The following CENPU variants were observed in gnomAD, a reference collection of about 807,000 sequenced individuals.
CENPU encodes the protein KSHV latent nuclear antigen interacting protein 1.
Under a neutral mutation model 56.7 loss-of-function variants are expected in CENPU, and 46 were observed. The ratio of observed to expected loss-of-function variants is 0.81; its 90% CI spans 0.64 to 1.04. The LOEUF (loss-of-function observed/expected upper bound fraction) is 1.04. Among genes scored for constraint, CENPU ranks in the 50% least tolerant of loss-of-function variants. CENPU has a pLI of 0.00. For synonymous variants in CENPU, 166 were observed against 163.0 expected, an observed-to-expected ratio of 1.02 and a Z score of -0.14; for missense variants, 510 against 490.1, an observed-to-expected ratio of 1.04 and a Z score of -0.38.
At position 184,697,796 on chromosome 4, in the gene CENPU, G is replaced by T. The variant is rs770944498; in HGVS notation, c.994C>A (p.Pro332Thr). The change falls in exon 12 of 13, where the codon CCA (proline) becomes ACA (threonine). Residue 332 changes from proline to threonine, a missense_variant. By Grantham distance (38) the Pro-to-Thr change is conservative. Coordinates refer to ENST00000281453, the MANE Select transcript of CENPU (RefSeq NM_024629.4). ...TTTGTTTGTAGTTGTTTCAGCTGTG[G>T]CTCTAACCTAAAACAAAAATAAGTG... ...EVQDELLRLE[P>T]QLKQLQTKYD... The T allele has an allele frequency of 4.4e-6, 7 of 1,595,952 alleles. No individual in the cohort carries two copies. The East Asian group carries it at 1.6e-4, about 36-fold the overall frequency.
intron 11 of CENPU, among the ~76,000 whole-genome samples, chr4:184,699,764 G>A (rs749470911): frequency 6.6e-5 from 10 of 151,950 alleles, no homozygotes; most frequent in Admixed American, 3.3e-4. Context: ...AGGTTCAAGC[G>A]ATTCTCGTGC....
At chr4:184,715,585 T>C (rs1158589786) in intron 6 of CENPU, among the ~76,000 whole-genome samples, 1 of 152,196 alleles carries the variant, frequency 6.6e-6, no homozygotes, top group Non-Finnish European at 1.5e-5. Flanking sequence ...AGTGGTAGGA[T>C]TACAGGCATG....
rs1213397607 is a variant in CENPU at position 184,694,276 on chromosome 4, A to G, written c.*1012T>C. 1.0e-5 allele frequency: 13 copies of G among 1,238,858 alleles called. No homozygotes were observed. The East Asian group carries it at 4.1e-4, about 39-fold the overall frequency. 76.7% of individuals were successfully genotyped at this position (1,238,858 alleles called of 1,614,324 possible). A position where few individuals can be genotyped will look rare whatever the true frequency, so the allele number is the denominator to read the frequency against. On this transcript the variant is annotated 3_prime_UTR_variant, in exon 13 of 13. Coordinates refer to ENST00000281453, the MANE Select transcript of CENPU (RefSeq NM_024629.4). ...CTTCCGTCGGGGAGTATTGAAAAGTATGTGCACAGAACTGTAGGTAATTTC... is the reference window on the plus strand; with the variant it reads ...CTTCCGTCGGGGAGTATTGAAAAGTGTGTGCACAGAACTGTAGGTAATTTC...
chr4:184,712,940 C>G lies in CENPU; in HGVS notation c.688+4G>C. The G allele has an allele frequency of 1.9e-6, 3 of 1,565,132 alleles. No individual in the cohort carries two copies. The highest frequency in any genetic ancestry group is 2.6e-6 in the Non-Finnish European group (3 of 1,147,958). On this transcript the variant is annotated splice_donor_region_variant and intron_variant, in intron 7 of 12. Transcript: ENST00000281453. ...GTGACAAAGTATAAAACATCATTCTCTACCTGAGCCTATGGCTTTACTTCT... is the reference window on the plus strand; with the variant it reads ...GTGACAAAGTATAAAACATCATTCTGTACCTGAGCCTATGGCTTTACTTCT...
intron 1 of CENPU, 103 bp from the exon 2 acceptor site, chr4:184,731,071 CAAG>C (rs1761627305): frequency 1.4e-5 from 2 of 145,104 alleles, no homozygotes; most frequent in African/African-American, 8.7e-5. Context: ...AAAAAAAAAA[CAAG>C]AACCCATATT....
chr4:184,698,015 A>G, intron 11 of CENPU: 1 of 504,712 alleles, frequency 2.0e-6, no homozygotes, highest in South Asian at 2.7e-5. Context: ...ATGAATAATT[A>G]GCAGTGATAT....
intron 8 of CENPU, among the ~76,000 whole-genome samples, chr4:184,704,534 A>G (rs1760657263): frequency 6.6e-6 from 1 of 152,102 alleles, no homozygotes; most frequent in East Asian, 1.9e-4. Context: ...CTGCCTAAGG[A>G]TGCAGTTCTC....
chr4:184,725,551 C>T (rs538760431), intron 3 of CENPU, among the ~76,000 whole-genome samples: 2 of 152,266 alleles, frequency 1.3e-5, no homozygotes, highest in East Asian at 1.9e-4. Context: ...AAATATAAAT[C>T]GGAAGTCCAA....
chr4:184,712,052 C>A lies in CENPU; in HGVS notation c.688+892G>T, dbSNP rs1437825493. On this transcript the variant is annotated intron_variant, in intron 7 of 12. Transcript: ENST00000281453. ...AGGCGATTCGCTTGAACCTGGGAGG[C>A]AGAAGTTGCAGTGAGCGGAGATCAA... Among the ~76,000 whole-genome samples, 3 of 141,224 alleles carry A rather than the reference C, an allele frequency of 2.1e-5. No individual in the cohort carries two copies. In the East Asian group the frequency reaches 6.0e-4, roughly 28 times the overall value. 92.6% of individuals were successfully genotyped at this position (141,224 alleles called of 152,430 possible).
At chr4:184,707,976 A>G (rs1760783024) in intron 8 of CENPU, among the ~76,000 whole-genome samples, 1 of 152,112 alleles carries the variant, frequency 6.6e-6, no homozygotes, top group Non-Finnish European at 1.5e-5. Context: ...AAATCCCAGC[A>G]CTTTGGGAGG....
chr4:184,715,533 G>A (rs944181916), intron 6 of CENPU, among the ~76,000 whole-genome samples: 4 of 152,184 alleles, frequency 2.6e-5, no homozygotes, highest in African/African-American at 7.2e-5. Flanking sequence ...GGCTGGTCTC[G>A]AACTCCTGAC....
chr4:184,705,717 G>A (rs974975571), intron 8 of CENPU, among the ~76,000 whole-genome samples: 1 of 152,158 alleles, frequency 6.6e-6, no homozygotes, highest in Admixed American at 6.6e-5. Context: ...GTCAACTGAT[G>A]AATGAATGGA....
Position 184,694,832 on chromosome 4 carries a change from T to A in CENPU, c.*456A>T. 1 of 1,417,726 alleles carries A rather than the reference T, an allele frequency of 7.1e-7. No homozygotes were observed. The highest frequency in any genetic ancestry group is 9.8e-7 in the Non-Finnish European group (1 of 1,018,032). The allele number at this position is 1,417,726 out of a possible 1,614,324, so 87.8% of individuals were successfully genotyped here. ...CAGGCTATAATTTGCCTGATGTCTGTGAGATTTGATAAATATATCATTCAA... is the reference window on the plus strand; with the variant it reads ...CAGGCTATAATTTGCCTGATGTCTGAGAGATTTGATAAATATATCATTCAA... On this transcript the variant is annotated 3_prime_UTR_variant, in exon 13 of 13. Transcript: ENST00000281453.
Position 184,695,346 on chromosome 4 carries a change from G to A in CENPU, c.1199C>T (p.Ala400Val). Residue 400 changes from alanine to valine, a missense_variant, in exon 13 of 13, where the codon GCC (alanine) becomes GTC (valine). Transcript: ENST00000281453. ...LLFKARTLLG[A>V]ESHLRNINHQ... ...GTTGATATTTCGCAGATGGCTTTCG[G>A]CTCCCAGAAGTGTTCTTGCTTTAAA... 6.2e-7 allele frequency: 1 copy of A among 1,613,506 alleles called. No homozygotes were observed. Among genetic ancestry groups the A allele is most frequent in the Non-Finnish European group, 8.5e-7 (1 of 1,179,536 alleles).
chr4:184,711,157 C>G (rs1312923978), intron 7 of CENPU, among the ~76,000 whole-genome samples: 1 of 152,088 alleles, frequency 6.6e-6, no homozygotes, highest in African/African-American at 2.4e-5. Context: ...GCCCGGCCCC[C>G]AATTTTCTGT....
Position 184,694,250 on chromosome 4 carries a change from T to C in CENPU, c.*1038A>G. The stretch of plus-strand genomic sequence containing the variant: ...GTTAAAAAATTAAATCCACCCTTGC[T>C]CTTCCGTCGGGGAGTATTGAAAAGT... On this transcript the variant is annotated 3_prime_UTR_variant, in exon 13 of 13. Coordinates refer to ENST00000281453, the MANE Select transcript of CENPU (RefSeq NM_024629.4). The C allele has an allele frequency of 1.7e-6, 2 of 1,145,470 alleles. No homozygotes were observed. The highest frequency in any genetic ancestry group is 8.4e-5 in the East Asian group (2 of 23,878). The allele number at this position is 1,145,470 out of a possible 1,614,324, so 71.0% of individuals were successfully genotyped here. A position where few individuals can be genotyped will look rare whatever the true frequency, so the allele number is the denominator to read the frequency against.
Position 184,695,306 on chromosome 4 carries a change from C to T in CENPU, c.1239G>A (p.Lys413=). 1.2e-6 allele frequency: 2 copies of T among 1,612,962 alleles called. No individual in the cohort carries two copies. The highest frequency in any genetic ancestry group is 2.2e-5 in the South Asian group (2 of 91,072). ...HLRNINHQLE[K]LLDQG The stretch of plus-strand genomic sequence containing the variant: ...GCTCTTCTCATCCCTGGTCAAGGAG[C>T]TTCTCTAACTGATGGTTGATATTTC... The change falls in exon 13 of 13, where the codon AAG becomes AAA. Residue 413 remains lysine (K), a synonymous_variant. Coordinates refer to ENST00000281453, the MANE Select transcript of CENPU (RefSeq NM_024629.4).
rs764864826 is a variant in CENPU at position 184,734,040 on chromosome 4, C to T, written c.23G>A (p.Arg8Gln). 11 of 1,575,026 alleles carry T rather than the reference C, an allele frequency of 7.0e-6. No homozygotes were observed. Among genetic ancestry groups the T allele is most frequent in the African/African-American group, 1.3e-5 (1 of 74,184 alleles). Residue 8 changes from arginine (R) to glutamine (Q), a missense_variant, in exon 1 of 13, where the codon CGG becomes CAG. Arg to Gln is a conservative substitution (Grantham distance 43, BLOSUM62 1). Coordinates refer to ENST00000281453, the MANE Select transcript of CENPU (RefSeq NM_024629.4). The stretch of plus-strand genomic sequence containing the variant: ...CCCCTCAGACCTGTGAGGCCGCGGC[C>T]GCCGCCGCCCCCGCGGGGCCATGGT... Reference protein sequence around the residue: MAPRGRRRPRPHRSEGAR... With the variant: MAPRGRRQPRPHRSEGAR...
chr4:184,699,787 A>G (rs1353359716), intron 11 of CENPU, among the ~76,000 whole-genome samples: 6 of 151,888 alleles, frequency 4.0e-5, no homozygotes. Context: ...CAACCTCCCG[A>G]GTAGCTTGGA....
Sources: allele counts gnomAD v4.1 joint callset (sites outside exome capture counted in the v4.1 genomes callset), GRCh38; gene constraint gnomAD v4.1.1; transcripts MANE v1.5; gene names NCBI Gene and HGNC (gene_info 2026-07-23, HGNC 2026-07-21).